The following CHML variants were observed in gnomAD, a reference collection of about 807,000 sequenced individuals.
CHML encodes the protein rab proteins geranylgeranyltransferase component A 2.
In CHML, 20 loss-of-function variants were observed where a neutral mutation model predicts 30.4. The observed-to-expected ratio is 0.66, with a 90% CI of 0.46 to 0.95. The LOEUF (loss-of-function observed/expected upper bound fraction) is 0.95. Among genes scored for constraint, CHML ranks in the 40% least tolerant of loss-of-function variants. The pLI, the probability that CHML is intolerant of heterozygous loss-of-function variation, is 0.00. For missense variants in CHML, 795 were observed against 768.5 expected (o/e 1.03, Z -0.41); for synonymous variants, 281 against 275.0 (o/e 1.02, Z -0.22).
intron 1 of CHML, among the ~76,000 whole-genome samples, chr1:241,638,166 T>C (rs1664975726): frequency 1.3e-5 from 2 of 152,178 alleles, no homozygotes; most frequent in African/African-American, 4.8e-5. Flanking sequence ...AAAGTCATGG[T>C]TGAAAGCACT....
At chr1:241,639,778 G>A in intron 1 of CHML, 104 bp downstream of exon 1, 2 of 1,137,266 alleles carry the variant, frequency 1.8e-6, no homozygotes, top group Non-Finnish European at 2.3e-6. Context: ...GGGCCGAGCG[G>A]GAAGCGGTGC....
intron 1 of CHML, 125 bp from the exon 2 acceptor site, chr1:241,636,198 G>T: frequency 2.5e-6 from 1 of 396,888 alleles, no homozygotes; most frequent in Non-Finnish European, 4.5e-6. Flanking sequence ...ACTAAAGCAT[G>T]TCTTAAATGC....
chr1:241,638,672 T>C (rs1332223107), intron 1 of CHML, among the ~76,000 whole-genome samples: 1 of 152,146 alleles, frequency 6.6e-6, no homozygotes, highest in East Asian at 1.9e-4. Flanking sequence ...TCAAATGAAA[T>C]TATCAGATTA....
At chr1:241,639,583 A>C (rs1369210025) in intron 1 of CHML, among the ~76,000 whole-genome samples, 1 of 151,860 alleles carries the variant, frequency 6.6e-6, no homozygotes, top group African/African-American at 2.4e-5. Flanking sequence ...AAAAACAAAT[A>C]AGAAAGGAGG....
chr1:241,633,965 A>G lies in CHML; in HGVS notation c.1802T>C (p.Phe601Ser). 1 of 1,613,932 alleles carries G rather than the reference A, an allele frequency of 6.2e-7. No individual in the cohort carries two copies. Among genetic ancestry groups the G allele is most frequent in the Non-Finnish European group, 8.5e-7 (1 of 1,179,852 alleles). Residue 601 changes from phenylalanine to serine, a missense_variant, in exon 2 of 2, where the codon TTT (phenylalanine) becomes TCT (serine). Transcript: ENST00000366553. ...KQAETLFQEI[F>S]PTEEFCPPPP... Reference sequence around the variant, plus strand: ...TGGAGGGCAGAATTCTTCAGTTGGAAAGATCTCCTGGAAAAGTGTTTCAGC... The same window carrying G: ...TGGAGGGCAGAATTCTTCAGTTGGAGAGATCTCCTGGAAAAGTGTTTCAGC...
chr1:241,632,811 G>A lies in CHML; in HGVS notation c.*985C>T, dbSNP rs1367250772. ...GTTTCATTCTCACTGAAAAACCTTG[G>A]GTAATCTATTTATAGAGGGTTTTAT... is the stretch of plus-strand genomic sequence containing the variant. On this transcript the variant is annotated 3_prime_UTR_variant, in exon 2 of 2. Transcript: ENST00000366553. The A allele has an allele frequency of 6.6e-6, 1 of 151,906 alleles. No homozygotes were observed. Among genetic ancestry groups the A allele is most frequent in the Admixed American group, 6.6e-5 (1 of 15,246 alleles). 9.4% of individuals were successfully genotyped at this position (151,906 alleles called of 1,614,324 possible). A position where few individuals can be genotyped will look rare whatever the true frequency, so the allele number is the denominator to read the frequency against.
chr1:241,639,770 G>C, intron 1 of CHML, 112 bp downstream of exon 1: 1 of 1,122,804 alleles, frequency 8.9e-7, no homozygotes, highest in Non-Finnish European at 1.2e-6. Context: ...GGGGCGCGGG[G>C]CCGAGCGGGA....
At chr1:241,639,105 T>C (rs1369947131) in intron 1 of CHML, 1 of 152,226 alleles carries the variant, frequency 6.6e-6, no homozygotes, top group African/African-American at 2.4e-5. Context: ...AAGAGTACTG[T>C]CGAAATACAT....
chr1:241,635,186 T>G lies in CHML; in HGVS notation c.581A>C (p.Lys194Thr). ...TTTGCTTTCATCTTTATCTCCATCTTTATCTGAAACTGTGTGCATACAAGT... is the reference window on the plus strand; with the variant it reads ...TTTGCTTTCATCTTTATCTCCATCTGTATCTGAAACTGTGTGCATACAAGT... ...DKTCMHTVSD[K>T]DGDKDESKST... The change falls in exon 2 of 2, where the codon AAA becomes ACA. Residue 194 changes from lysine (K) to threonine (T), a missense_variant. Transcript: ENST00000366553. The G allele has an allele frequency of 6.2e-7, 1 of 1,613,180 alleles. No homozygotes were observed. The highest frequency in any genetic ancestry group is 8.5e-7 in the Non-Finnish European group (1 of 1,179,918).
chr1:241,632,972 T>C lies in CHML; in HGVS notation c.*824A>G, dbSNP rs960380174. On this transcript the variant is annotated 3_prime_UTR_variant, in exon 2 of 2. Transcript: ENST00000366553. ...GGGCACTTCATTTTTCCTTTTGGTC[T>C]AAGTTACTTATTGGAAGCTATTTTA... The C allele has an allele frequency of 4.6e-5, 7 of 152,148 alleles. No homozygotes were observed. The highest frequency in any genetic ancestry group is 1.7e-4 in the African/African-American group (7 of 41,446). The allele number at this position is 152,148 out of a possible 1,614,324, so 9.4% of individuals were successfully genotyped here. A position where few individuals can be genotyped will look rare whatever the true frequency, so the allele number is the denominator to read the frequency against.
In CHML at chr1:241,634,983, C is replaced by T; in HGVS notation, c.784G>A (p.Val262Ile). 3 of 1,613,620 alleles carry T rather than the reference C, an allele frequency of 1.9e-6. No homozygotes were observed. Among genetic ancestry groups the T allele is most frequent in the Non-Finnish European group, 2.5e-6 (3 of 1,179,810 alleles). ...DVSRYVEFKN[V>I]TRILAFREGK... Reference sequence around the variant, plus strand: ...TCCCGAAATGCAAGAATCCTAGTGACATTTTTAAATTCTACATAACGACTA... The same window carrying T: ...TCCCGAAATGCAAGAATCCTAGTGATATTTTTAAATTCTACATAACGACTA... The change falls in exon 2 of 2, where the codon GTC becomes ATC. Residue 262 changes from valine to isoleucine, a missense_variant. Coordinates refer to ENST00000366553, the MANE Select transcript of CHML (RefSeq NM_001381853.1).
chr1:241,635,682 T>A lies in CHML; in HGVS notation c.85A>T (p.Arg29Ter). 1 of 1,614,074 alleles carries A rather than the reference T, an allele frequency of 6.2e-7. No homozygotes were observed. The highest frequency in any genetic ancestry group is 8.5e-7 in the Non-Finnish European group (1 of 1,179,926). ...PESILAAACS[R>*]SGQRVLHIDS... ...ATATGCAGAACCCTCTGACCACTTC[T>A]TGAACATGCAGCTGCAAGGATGGAT... The change falls in exon 2 of 2, where the codon AGA becomes TGA. Residue 29 changes from arginine (R) to a stop codon, truncating the protein, a stop_gained. Coordinates refer to ENST00000366553, the MANE Select transcript of CHML (RefSeq NM_001381853.1). LOFTEE classifies it high-confidence loss of function.
chr1:241,638,673 T>C (rs1374580976), intron 1 of CHML, among the ~76,000 whole-genome samples: 3 of 152,088 alleles, frequency 2.0e-5, no homozygotes, highest in East Asian at 1.9e-4. Context: ...CAAATGAAAT[T>C]ATCAGATTAA....
rs1040104942 is a variant in CHML at position 241,632,839 on chromosome 1, G to C, written c.*957C>G. On this transcript the variant is annotated 3_prime_UTR_variant, in exon 2 of 2. Coordinates refer to ENST00000366553, the MANE Select transcript of CHML (RefSeq NM_001381853.1). ...AATCTATTTATAGAGGGTTTTATAA[G>C]TATCTGTAATCTCAGGTTAAAAAGG... 1 of 152,084 alleles carries C rather than the reference G, an allele frequency of 6.6e-6. No homozygotes were observed. The highest frequency in any genetic ancestry group is 1.5e-5 in the Non-Finnish European group (1 of 68,004). 9.4% of individuals were successfully genotyped at this position (152,084 alleles called of 1,614,324 possible).
Position 241,640,360 on chromosome 1 carries a change from A to G in CHML, c.-786T>C. On this transcript the variant is annotated 5_prime_UTR_variant, in exon 1 of 2. It removes an upstream start codon present in the reference 5' UTR. Coordinates refer to ENST00000366553, the MANE Select transcript of CHML (RefSeq NM_001381853.1). ...TGGGGCTCCGCCGCCTGCTCTAGCC[A>G]TTGTGCACTGAGGGGCCCGCGCTAC... The G allele has an allele frequency of 5.8e-6, 6 of 1,033,004 alleles. No homozygotes were observed. Among genetic ancestry groups the G allele is most frequent in the Non-Finnish European group, 4.7e-6 (4 of 858,850 alleles). 64.0% of individuals were successfully genotyped at this position (1,033,004 alleles called of 1,614,324 possible). A position where few individuals can be genotyped will look rare whatever the true frequency, so the allele number is the denominator to read the frequency against.
chr1:241,640,125 G>A lies in CHML; in HGVS notation c.-551C>T, dbSNP rs1665064413. On this transcript the variant is annotated 5_prime_UTR_variant, in exon 1 of 2. Coordinates refer to ENST00000366553, the MANE Select transcript of CHML (RefSeq NM_001381853.1). Reference sequence around the variant, plus strand: ...CCAATGGAGCCCAGCAGCAGCGCCAGGCGCTCGTAGGTGCCGGGGCTGAAG... The same window carrying A: ...CCAATGGAGCCCAGCAGCAGCGCCAAGCGCTCGTAGGTGCCGGGGCTGAAG... 1.3e-6 allele frequency: 2 copies of A among 1,596,966 alleles called. No individual in the cohort carries two copies. The highest frequency in any genetic ancestry group is 1.4e-5 in the African/African-American group (1 of 72,912).
Position 241,628,910 on chromosome 1 carries a change from CAGA to C in CHML, c.*4883_*4885del, listed in dbSNP as rs1443655993. On this transcript the variant is annotated 3_prime_UTR_variant, in exon 2 of 2. Coordinates refer to ENST00000366553, the MANE Select transcript of CHML (RefSeq NM_001381853.1). ...TTTTATTGCATACATCAATATTTAA[CAGA>C]AGAAAAATAAAGAACCCCTAATGTT... is the stretch of plus-strand genomic sequence containing the variant. The C allele has an allele frequency of 6.6e-6, 1 of 152,512 alleles. No individual in the cohort carries two copies. The highest frequency in any genetic ancestry group is 2.1e-4 in the South Asian group (1 of 4,820). 9.4% of individuals were successfully genotyped at this position (152,512 alleles called of 1,614,324 possible).
At chr1:241,636,523 T>C (rs971728862) in intron 1 of CHML, among the ~76,000 whole-genome samples, 2 of 152,218 alleles carry the variant, frequency 1.3e-5, no homozygotes, top group Non-Finnish European at 2.9e-5. Context: ...CCAGAACAGC[T>C]GAATATAAGA....
chr1:241,634,554 T>C lies in CHML; in HGVS notation c.1213A>G (p.Lys405Glu), dbSNP rs202246923. ...VFGGIYCLRHKVQCFVVDKES... is the reference protein window; with the variant it reads ...VFGGIYCLRHEVQCFVVDKES... The stretch of plus-strand genomic sequence containing the variant: ...TTGTCGACTACAAAGCATTGTACTT[T>C]ATGACGAAGACAATAGATTCCACCA... The change falls in exon 2 of 2, where the codon AAA becomes GAA. Residue 405 changes from lysine to glutamate, a missense_variant. Physicochemically the swap from Lys to Glu is moderately conservative, Grantham distance 56. Coordinates refer to ENST00000366553, the MANE Select transcript of CHML (RefSeq NM_001381853.1). 1.3e-4 allele frequency: 203 copies of C among 1,613,806 alleles called. 1 individual carries two copies. The highest frequency in any genetic ancestry group is 1.7e-4 in the Non-Finnish European group (195 of 1,179,890).
Sources: allele counts gnomAD v4.1 joint callset (sites outside exome capture counted in the v4.1 genomes callset), GRCh38; gene constraint gnomAD v4.1.1; transcripts MANE v1.5; gene names NCBI Gene and HGNC (gene_info 2026-07-23, HGNC 2026-07-21).